The following DPH6 variants were observed in gnomAD, a reference collection of about 807,000 sequenced individuals.
DPH6 encodes the protein diphthamine biosynthesis 6, also known as diphthine--ammonia ligase.
DPH6 carries 33 observed loss-of-function variants against 38.2 expected under a neutral mutation model. The ratio of observed to expected loss-of-function variants is 0.86; its 90% confidence interval spans 0.65 to 1.15. DPH6 has a LOEUF of 1.15. Ranked by LOEUF, DPH6 falls within the 50% of genes most tolerant of loss-of-function variation. The pLI, the probability that DPH6 is intolerant of heterozygous loss-of-function variation, is 0.00. For missense variants in DPH6, 325 were observed against 320.0 expected (o/e 1.02, Z -0.12); for synonymous variants, 108 against 103.0 (o/e 1.05, Z -0.30).
At chr15:35,488,616 C>T (rs541035769) in intron 3 of DPH6, among the ~76,000 whole-genome samples, 3 of 152,062 alleles carry the variant, frequency 2.0e-5, no homozygotes, top group East Asian at 3.9e-4. Flanking sequence ...CCCACCAGGT[C>T]CCTCCTCTGA....
At chr15:35,524,991 C>T (rs1385690585) in intron 3 of DPH6, among the ~76,000 whole-genome samples, 1 of 152,020 alleles carries the variant, frequency 6.6e-6, no homozygotes, top group Non-Finnish European at 1.5e-5. Context: ...GGAGGAAATA[C>T]ACAACAAAAA....
At chr15:35,539,945 G>C (rs1391870378) in intron 2 of DPH6, among the ~76,000 whole-genome samples, 4 of 152,036 alleles carry the variant, frequency 2.6e-5, no homozygotes, top group Admixed American at 2.6e-4. Context: ...GTAGGAAGTA[G>C]AGAACATAGC....
chr15:35,372,160 T>G lies in DPH6; in HGVS notation c.794A>C (p.Tyr265Ser), dbSNP rs1445314088. Residue 265 changes from tyrosine to serine, a missense_variant, in exon 9 of 9, where the codon TAT (tyrosine) becomes TCT (serine). Physicochemically the swap from Tyr to Ser is moderately radical, Grantham distance 144. Transcript: ENST00000256538. Reference protein sequence around the residue: ...PDNYRTSNYIYNF With the variant: ...PDNYRTSNYISNF ...GTTCCAAAACACTTTTCAAAAATTATATATATAATTAGATGTTCTGTAGTT... is the reference window on the plus strand; with the variant it reads ...GTTCCAAAACACTTTTCAAAAATTAGATATATAATTAGATGTTCTGTAGTT... 1 of 1,519,980 alleles carries G rather than the reference T, an allele frequency of 6.6e-7. No homozygotes were observed. Among genetic ancestry groups the G allele is most frequent in the Non-Finnish European group, 8.8e-7 (1 of 1,136,904 alleles). The allele number at this position is 1,519,980 out of a possible 1,614,324, so 94.2% of individuals were successfully genotyped here. A position where few individuals can be genotyped will look rare whatever the true frequency, so the allele number is the denominator to read the frequency against.
chr15:35,522,269 T>C (rs1220898490), intron 3 of DPH6: 17 of 1,612,920 alleles, frequency 1.1e-5, no homozygotes, highest in Non-Finnish European at 1.3e-5. Context: ...AAGGTCATTC[T>C]AGTGATGCCC....
the DPH6 span, among the ~76,000 whole-genome samples, chr15:35,180,636 ACTTTCTTTTTT>A: frequency 1.3e-5 from 2 of 151,816 alleles, no homozygotes; most frequent in Non-Finnish European, 2.9e-5. Context: ...AAGTTTTTTA[ACTTTCTTTTTT>A]CTTTCTTTCT....
the DPH6 span, among the ~76,000 whole-genome samples, chr15:35,169,885 G>A: frequency 6.6e-6 from 1 of 152,146 alleles, no homozygotes; most frequent in Admixed American, 6.6e-5. Flanking sequence ...AAATGAGCAG[G>A]TAGTTATTCA....
intron 7 of DPH6, among the ~76,000 whole-genome samples, chr15:35,376,645 T>C (rs1250243434): frequency 6.6e-6 from 1 of 152,176 alleles, no homozygotes; most frequent in Admixed American, 6.6e-5. Flanking sequence ...TCCTGTAAGC[T>C]TCATTCATGT....
chr15:35,426,511 C>T (rs767452177), intron 5 of DPH6, among the ~76,000 whole-genome samples: 4 of 151,512 alleles, frequency 2.6e-5, no homozygotes, highest in Non-Finnish European at 5.9e-5. Flanking sequence ...ATTAACATAC[C>T]TTATCTTGGC....
chr15:35,343,263 A>G (rs1159522234), intron 3 of DPH6, among the ~76,000 whole-genome samples: 1 of 152,180 alleles, frequency 6.6e-6, no homozygotes, highest in African/African-American at 2.4e-5. Context: ...CATTTTTGTA[A>G]TGAATTGAAT....
chr15:35,159,748 G>T, the DPH6 span, among the ~76,000 whole-genome samples: 696 of 152,066 alleles, frequency 4.6e-3, 4 homozygotes, highest in South Asian at 0.018. Context: ...AAAGTCACAT[G>T]CATCTGTATG....
At chr15:35,295,272 C>T (rs928876331) in intron 3 of DPH6, among the ~76,000 whole-genome samples, 2 of 152,174 alleles carry the variant, frequency 1.3e-5, no homozygotes, top group African/African-American at 2.4e-5. Context: ...TCCTTGGACC[C>T]TATGGAAATC....
intron 6 of DPH6, among the ~76,000 whole-genome samples, chr15:35,384,237 T>C (rs1034998213): frequency 1.1e-4 from 16 of 152,054 alleles, no homozygotes; most frequent in African/African-American, 3.9e-4. Flanking sequence ...TAATGAAAAA[T>C]ACTAAATCAT....
chr15:35,268,479 A>T (rs1306749817), intron 3 of DPH6, among the ~76,000 whole-genome samples: 1 of 151,652 alleles, frequency 6.6e-6, no homozygotes, highest in Non-Finnish European at 1.5e-5. Flanking sequence ...AAGTGACTTG[A>T]GGTCTCCTAT....
chr15:35,366,905 A>C (rs542979174), downstream of DPH6, among the ~76,000 whole-genome samples: 1 of 152,104 alleles, frequency 6.6e-6, no homozygotes, highest in Non-Finnish European at 1.5e-5. Flanking sequence ...GATTCCATGT[A>C]GACCTAGTAG....
chr15:35,314,885 A>G (rs2052175205), intron 3 of DPH6, among the ~76,000 whole-genome samples: 1 of 152,178 alleles, frequency 6.6e-6, no homozygotes, highest in Non-Finnish European at 1.5e-5. Flanking sequence ...GGTGATGATC[A>G]GCTCAGTGTC....
intron 3 of DPH6, among the ~76,000 whole-genome samples, chr15:35,362,821 C>G (rs544200455): frequency 7.8e-4 from 119 of 152,248 alleles, no homozygotes; most frequent in African/African-American, 2.8e-3. Flanking sequence ...TGACTCTGAG[C>G]TTGTCTGGGG....
chr15:35,390,436 T>C (rs2053037649), intron 6 of DPH6, among the ~76,000 whole-genome samples: 1 of 152,204 alleles, frequency 6.6e-6, no homozygotes. Context: ...CTGCAGAGTG[T>C]TTTCCAATTT....
chr15:35,462,249 C>T (rs995195579), intron 3 of DPH6, among the ~76,000 whole-genome samples: 3 of 152,180 alleles, frequency 2.0e-5, no homozygotes, highest in Admixed American at 6.5e-5. Flanking sequence ...TAAGTCCACT[C>T]TTCCTCCCTA....
At chr15:35,187,026 A>G in the DPH6 span, among the ~76,000 whole-genome samples, 2 of 152,342 alleles carry the variant, frequency 1.3e-5, no homozygotes, top group African/African-American at 4.8e-5. Context: ...GTTAGGCACC[A>G]TGACAGGCAT....
Sources: gnomAD v4.1 joint callset for allele counts (sites outside exome capture counted in the v4.1 genomes callset) on GRCh38, gnomAD v4.1.1 for gene constraint, MANE v1.5 for transcripts, NCBI Gene and HGNC (gene_info 2026-07-23, HGNC 2026-07-21) for gene names.